PSME4: variants seen among roughly 807,000 people sequenced by gnomAD.
The protein encoded by PSME4 is proteasome activator subunit 4.
PSME4 carries 89 observed loss-of-function variants against 253.9 expected under a neutral mutation model. The ratio of observed to expected loss-of-function variants is 0.35; its 90% CI spans 0.30 to 0.42. The LOEUF (loss-of-function observed/expected upper bound fraction) is 0.42, where lower values mean the gene tolerates loss of function less well. Ranked by LOEUF, PSME4 falls within the 10% of genes least tolerant of loss-of-function variation. The pLI is 1.00. For missense variants in PSME4, 2,014 were observed against 2,195.2 expected, an observed-to-expected ratio of 0.92 and a Z score of 1.65; for synonymous variants, 851 against 759.2, an observed-to-expected ratio of 1.12 and a Z score of -1.99.
chr2:53,914,736 C>T (rs757834474), intron 20 of PSME4, among the ~76,000 whole-genome samples: 27 of 152,072 alleles, frequency 1.8e-4, no homozygotes, highest in Admixed American at 6.5e-5. Flanking sequence ...CAAAAATTAG[C>T]CGGGCATGGT....
At position 53,864,301 on chromosome 2, in the gene PSME4, TG is replaced by T. The variant is rs1370748120; in HGVS notation, c.*1276del. 1 of 152,502 alleles carries T rather than the reference TG, an allele frequency of 6.6e-6. No individual in the cohort carries two copies. Among genetic ancestry groups the T allele is most frequent in the Non-Finnish European group, 1.5e-5 (1 of 68,024 alleles). The allele number at this position is 152,502 out of a possible 1,614,324, so 9.4% of individuals were successfully genotyped here. ...TGTTGCAAGATGACATTCACCAATTTGTGAATTATTTCAACCCAGAAGATAC... is the reference window on the plus strand; with the variant it reads ...TGTTGCAAGATGACATTCACCAATTTTGAATTATTTCAACCCAGAAGATAC... On this transcript the variant is annotated 3_prime_UTR_variant, in exon 47 of 47. Transcript: ENST00000404125.
intron 41 of PSME4, chr2:53,881,633 T>A (rs934287819): frequency 6.6e-6 from 1 of 152,096 alleles, no homozygotes; most frequent in Non-Finnish European, 1.5e-5. Flanking sequence ...GTCTCCCAGC[T>A]GGAGCACAGT....
chr2:53,892,018 C>CA (rs977149689), intron 36 of PSME4, among the ~76,000 whole-genome samples: 5 of 151,820 alleles, frequency 3.3e-5, no homozygotes, highest in South Asian at 2.1e-4. Flanking sequence ...TTGATTTTAT[C>CA]AAAAAAAGCT....
chr2:53,944,215 G>A (rs953660760), intron 3 of PSME4, among the ~76,000 whole-genome samples: 1 of 152,090 alleles, frequency 6.6e-6, no homozygotes, highest in Non-Finnish European at 1.5e-5. Context: ...CTGGAGTGCA[G>A]TGGGATGATC....
chr2:53,891,105 C>T (rs1679885802), intron 36 of PSME4, among the ~76,000 whole-genome samples: 1 of 152,176 alleles, frequency 6.6e-6, no homozygotes, highest in South Asian at 2.1e-4. Context: ...TAGGCTGAAA[C>T]AAAACCTCAA....
At chr2:53,957,655 G>A (rs957759177) in intron 1 of PSME4, among the ~76,000 whole-genome samples, 1 of 152,152 alleles carries the variant, frequency 6.6e-6, no homozygotes, top group Non-Finnish European at 1.5e-5. Context: ...CCTGGGAGAT[G>A]GAGACCCCTA....
rs1669399303 is a variant in PSME4 at position 53,940,958 on chromosome 2, TATATATATATATATATA to T, written c.501-975_501-959del. Among the ~76,000 whole-genome samples, 57 of 49,608 alleles carry T rather than the reference TATATATATATATATATA, an allele frequency of 1.1e-3. 5 individuals carry two copies. The highest frequency in any genetic ancestry group is 1.8e-3 in the Admixed American group (7 of 3,992). The allele number at this position is 49,608 out of a possible 152,430, so 32.5% of individuals were successfully genotyped here. A position where few individuals can be genotyped will look rare whatever the true frequency, so the allele number is the denominator to read the frequency against. On this transcript the variant is annotated intron_variant, in intron 3 of 46. Transcript: ENST00000404125. ...ATATATAAATATATATATACATATA[TATATATATATATATATA>T]TATATATATATATATATATATATAT...
At chr2:53,878,479 T>G (rs1329716913) in intron 41 of PSME4, among the ~76,000 whole-genome samples, 2 of 152,206 alleles carry the variant, frequency 1.3e-5, no homozygotes, top group South Asian at 4.1e-4. Flanking sequence ...GAGATGACCT[T>G]AAACTCTGGC....
At chr2:53,920,124 C>A in intron 19 of PSME4, 69 bp downstream of exon 19, 1 of 1,352,958 alleles carries the variant, frequency 7.4e-7, no homozygotes. Context: ...TGAGATATGC[C>A]ACAGATAAAG....
At chr2:53,923,921 A>T (rs1204640562) in intron 14 of PSME4, among the ~76,000 whole-genome samples, 1 of 49,934 alleles carries the variant, frequency 2.0e-5, no homozygotes, top group African/African-American at 5.3e-5. Context: ...AACAAAAAAA[A>T]AAAAAAAAAA....
intron 29 of PSME4, 109 bp downstream of exon 29, chr2:53,899,772 C>T (rs1010581524): frequency 8.4e-6 from 11 of 1,302,900 alleles, no homozygotes; most frequent in African/African-American, 1.5e-5. Flanking sequence ...GAGCCATGAT[C>T]GTCTCACTGT....
chr2:53,953,852 C>A (rs1034765002), intron 1 of PSME4, among the ~76,000 whole-genome samples: 1 of 152,100 alleles, frequency 6.6e-6, no homozygotes, highest in Non-Finnish European at 1.5e-5. Flanking sequence ...CACGATTGAA[C>A]GTGATTGATA....
intron 32 of PSME4, among the ~76,000 whole-genome samples, 199 bp downstream of exon 32, chr2:53,896,605 G>A (rs1408078008): frequency 6.6e-6 from 1 of 152,090 alleles, no homozygotes; most frequent in East Asian, 1.9e-4. Flanking sequence ...AAATATGAAG[G>A]CAGAAAGAGT....
intron 27 of PSME4, among the ~76,000 whole-genome samples, chr2:53,902,410 A>G (rs879836596): frequency 3.9e-5 from 6 of 152,176 alleles, no homozygotes; most frequent in Non-Finnish European, 5.9e-5. Context: ...CTTTTTCATA[A>G]AAAGTTTTTA....
chr2:53,907,866 T>A (rs945065767), intron 24 of PSME4: 1 of 153,400 alleles, frequency 6.5e-6, no homozygotes, highest in African/African-American at 2.4e-5. Context: ...GGCGTAAGAA[T>A]TCTGCCATGA....
chr2:53,942,653 G>A lies in PSME4; in HGVS notation c.501-2653C>T, dbSNP rs140610132. On this transcript the variant is annotated intron_variant, in intron 3 of 46. Coordinates refer to ENST00000404125, the MANE Select transcript of PSME4 (RefSeq NM_014614.3). ...TAAATGAGATAAGGTATAGAAAGCA[G>A]GTATACGGCCCAGAATTAAGGATAA... Among the ~76,000 whole-genome samples, 56 of 152,138 alleles carry A rather than the reference G, an allele frequency of 3.7e-4. 1 individual carries two copies. The East Asian group carries it at 7.3e-3, about 20-fold the overall frequency.
intron 36 of PSME4, among the ~76,000 whole-genome samples, chr2:53,891,524 AT>A (rs2104426603): frequency 6.6e-6 from 1 of 150,890 alleles, no homozygotes; most frequent in Non-Finnish European, 1.5e-5. Flanking sequence ...ACTATTATTA[AT>A]TTTTTAAGTT....
chr2:53,879,039 C>G (rs1430523431), intron 41 of PSME4, among the ~76,000 whole-genome samples: 1 of 152,250 alleles, frequency 6.6e-6, no homozygotes, highest in East Asian at 1.9e-4. Flanking sequence ...CCCCCGGACA[C>G]CCAGCTTTAA....
intron 1 of PSME4, among the ~76,000 whole-genome samples, chr2:53,953,515 A>G (rs1670096840): frequency 6.6e-6 from 1 of 150,530 alleles, no homozygotes; most frequent in Non-Finnish European, 1.5e-5. Context: ...AAAGAAAAAG[A>G]AGAACTATGC....
Sources: gnomAD v4.1 joint callset for allele counts (sites outside exome capture counted in the v4.1 genomes callset) on GRCh38, gnomAD v4.1.1 for gene constraint, MANE v1.5 for transcripts, NCBI Gene and HGNC (gene_info 2026-07-23, HGNC 2026-07-21) for gene names.